The following SLC24A4 variants were observed in gnomAD, a reference collection of about 807,000 sequenced individuals.
The protein encoded by SLC24A4 is sodium/potassium/calcium exchanger 4.
SLC24A4 carries 53 observed loss-of-function variants against 79.0 expected under a neutral mutation model. That is an observed-to-expected ratio of 0.67 (90% confidence interval 0.54 to 0.84). The LOEUF (loss-of-function observed/expected upper bound fraction) is 0.84. SLC24A4 is among the 40% of genes least tolerant of loss of function. SLC24A4 has a pLI of 0.00. For missense variants in SLC24A4, 731 were observed against 822.0 expected, an observed-to-expected ratio of 0.89 and a Z score of 1.35; for synonymous variants, 323 against 323.8, an observed-to-expected ratio of 1.00 and a Z score of 0.03.
intron 2 of SLC24A4, among the ~76,000 whole-genome samples, chr14:92,391,473 C>T (rs1889457624): frequency 6.6e-6 from 1 of 152,184 alleles, no homozygotes; most frequent in Non-Finnish European, 1.5e-5. Flanking sequence ...TCCAGGAAAA[C>T]AACCTGTCTT....
intron 2 of SLC24A4, among the ~76,000 whole-genome samples, chr14:92,423,385 T>G (rs1297814045): frequency 6.6e-6 from 1 of 152,190 alleles, no homozygotes; most frequent in Non-Finnish European, 1.5e-5. Flanking sequence ...ACTCAAGCAA[T>G]CTGCCTGCCT....
At position 92,496,071 on chromosome 14, in the gene SLC24A4, T is replaced by G. The variant is rs973867483; in HGVS notation, c.*2443T>G. 1 of 152,640 alleles carries G rather than the reference T, an allele frequency of 6.6e-6. No individual in the cohort carries two copies. Among genetic ancestry groups the G allele is most frequent in the African/African-American group, 2.4e-5 (1 of 41,466 alleles). The allele number at this position is 152,640 out of a possible 1,614,324, so 9.5% of individuals were successfully genotyped here. A position where few individuals can be genotyped will look rare whatever the true frequency, so the allele number is the denominator to read the frequency against. ...ACACGTATCCTAATTACCCTCCTCTTCCTCAGCAGAACCCATTTGAGATTC... is the reference window on the plus strand; with the variant it reads ...ACACGTATCCTAATTACCCTCCTCTGCCTCAGCAGAACCCATTTGAGATTC... On this transcript the variant is annotated 3_prime_UTR_variant, in exon 17 of 17. Coordinates refer to ENST00000532405, the MANE Select transcript of SLC24A4 (RefSeq NM_153646.4).
At chr14:92,402,194 T>C (rs1334184450) in intron 2 of SLC24A4, among the ~76,000 whole-genome samples, 2 of 152,150 alleles carry the variant, frequency 1.3e-5, no homozygotes, top group Non-Finnish European at 2.9e-5. Context: ...AGACATAAAC[T>C]TGGTTCCCGT....
intron 2 of SLC24A4, among the ~76,000 whole-genome samples, chr14:92,332,237 G>A (rs1353947868): frequency 6.6e-6 from 1 of 152,130 alleles, no homozygotes. Flanking sequence ...AGCCGAGATC[G>A]CACCACTGCA....
intron 2 of SLC24A4, among the ~76,000 whole-genome samples, chr14:92,338,136 A>G (rs923594934): frequency 2.0e-5 from 3 of 152,132 alleles, no homozygotes; most frequent in African/African-American, 7.2e-5. Context: ...TGTTCCAGAT[A>G]AAGTCCTTTC....
rs1389113804 is a variant in SLC24A4 at position 92,353,054 on chromosome 14, A to G, written c.241+27076A>G. On this transcript the variant is annotated intron_variant, in intron 2 of 16. Transcript: ENST00000532405. This position sits in a 1 kb window ranked among gnomAD's most constrained non-coding sequence, Gnocchi z 4.1. The stretch of plus-strand genomic sequence containing the variant: ...ATTCAAAATTCAAAAAGCACTGGAG[A>G]TGATAAAATAAAACCTCTGTCTCCT... Among the ~76,000 whole-genome samples the G allele has an allele frequency of 6.6e-6, 1 of 152,186 alleles. No homozygotes were observed. Among genetic ancestry groups the G allele is most frequent in the African/African-American group, 2.4e-5 (1 of 41,446 alleles).
chr14:92,326,196 C>A (rs574695190), intron 2 of SLC24A4, among the ~76,000 whole-genome samples: 8 of 152,350 alleles, frequency 5.3e-5, no homozygotes, highest in African/African-American at 1.9e-4. Flanking sequence ...CTGAAAAGGT[C>A]ACAGTCAAGA....
At chr14:92,355,737 A>G (rs1256397991) in intron 2 of SLC24A4, among the ~76,000 whole-genome samples, 1 of 152,190 alleles carries the variant, frequency 6.6e-6, no homozygotes, top group Non-Finnish European at 1.5e-5. Flanking sequence ...ATCTGCCTGC[A>G]TTCTGTAGCT....
intron 2 of SLC24A4, among the ~76,000 whole-genome samples, chr14:92,417,708 A>G (rs1338047001): frequency 1.3e-5 from 2 of 152,200 alleles, no homozygotes. Flanking sequence ...CTTTTAAACC[A>G]TATTTTTTCT....
intron 2 of SLC24A4, among the ~76,000 whole-genome samples, chr14:92,356,832 CAT>C (rs1387072309): frequency 6.6e-6 from 1 of 152,228 alleles, no homozygotes; most frequent in Non-Finnish European, 1.5e-5. Flanking sequence ...CCCTCACACA[CAT>C]GTGACAGCTT....
At chr14:92,343,387 G>A (rs777769263) in intron 2 of SLC24A4, among the ~76,000 whole-genome samples, 12 of 152,110 alleles carry the variant, frequency 7.9e-5, no homozygotes, top group Non-Finnish European at 1.2e-4. Context: ...GTTTGCAGAC[G>A]TACCAGAGAT....
At chr14:92,455,177 G>A (rs567188428) in intron 11 of SLC24A4, among the ~76,000 whole-genome samples, 26 of 152,304 alleles carry the variant, frequency 1.7e-4, no homozygotes, top group Admixed American at 9.8e-4. Context: ...CCAGAAGGAA[G>A]GAATTCTGAG....
chr14:92,431,197 A>T (rs1029632153), intron 2 of SLC24A4, among the ~76,000 whole-genome samples: 5 of 152,162 alleles, frequency 3.3e-5, no homozygotes, highest in Admixed American at 6.5e-5. Flanking sequence ...GACAGAATGG[A>T]TGTCAAGGAA....
intron 14 of SLC24A4, among the ~76,000 whole-genome samples, 175 bp from the exon 15 acceptor site, chr14:92,491,490 C>G (rs1024704786): frequency 6.6e-6 from 1 of 152,140 alleles, no homozygotes; most frequent in Non-Finnish European, 1.5e-5. Flanking sequence ...TAATAGTCCC[C>G]TTTAGGCTTC....
In SLC24A4 at chr14:92,393,942, T is replaced by G. The variant is rs879566046; in HGVS notation, c.242-39970T>G. On this transcript the variant is annotated intron_variant, in intron 2 of 16. Coordinates refer to ENST00000532405, the MANE Select transcript of SLC24A4 (RefSeq NM_153646.4). ...AGGAGAATCACTTGAACCCAGGAGG[T>G]GGAGGTTGCAGTGAGCTAAGATTGC... 2.0e-3 allele frequency among the ~76,000 whole-genome samples: 302 copies of G among 151,580 alleles called. 1 individual carries two copies. The highest frequency in any genetic ancestry group is 3.4e-3 in the Non-Finnish European group (231 of 67,876).
At chr14:92,427,032 A>T (rs1415715334) in intron 2 of SLC24A4, among the ~76,000 whole-genome samples, 1 of 152,232 alleles carries the variant, frequency 6.6e-6, no homozygotes, top group Non-Finnish European at 1.5e-5. Flanking sequence ...ACATTCCCCA[A>T]AGAGAATTGA....
At chr14:92,380,420 G>A (rs992975340) in intron 2 of SLC24A4, among the ~76,000 whole-genome samples, 2 of 152,140 alleles carry the variant, frequency 1.3e-5, no homozygotes, top group African/African-American at 2.4e-5. Context: ...GCTTGAAAAA[G>A]GCCAGTTTTT....
intron 2 of SLC24A4, among the ~76,000 whole-genome samples, chr14:92,429,448 A>G (rs539575247): frequency 1.3e-5 from 2 of 152,376 alleles, no homozygotes; most frequent in African/African-American, 4.8e-5. Flanking sequence ...ACAAATAGGA[A>G]GCAGTCACTT....
chr14:92,401,316 C>A (rs1350836485), intron 2 of SLC24A4, among the ~76,000 whole-genome samples: 1 of 152,164 alleles, frequency 6.6e-6, no homozygotes, highest in Non-Finnish European at 1.5e-5. Context: ...CTAGAAGGTG[C>A]TGTTCAAACC....
Sources: allele counts gnomAD v4.1 joint callset (sites outside exome capture counted in the v4.1 genomes callset), GRCh38; gene constraint gnomAD v4.1.1; non-coding constraint Gnocchi (gnomAD v3.1); transcripts MANE v1.5; gene names NCBI Gene and HGNC (gene_info 2026-07-23, HGNC 2026-07-21).